The following ABL1 variants were observed in gnomAD, a reference collection of about 807,000 sequenced individuals.
ABL1 encodes tyrosine-protein kinase ABL1.
In ABL1, 11 loss-of-function variants were observed where a neutral mutation model predicts 94.7. The ratio of observed to expected loss-of-function variants is 0.12; its 90% CI spans 0.07 to 0.19. The LOEUF (loss-of-function observed/expected upper bound fraction) is 0.19. Ranked by LOEUF, ABL1 falls within the 10% of genes least tolerant of loss-of-function variation. The probability of loss-of-function intolerance (pLI) is 1.00; values close to 1 mark genes in which losing one functional copy is unlikely to be tolerated. For missense variants in ABL1, 1,082 were observed against 1,489.4 expected, an observed-to-expected ratio of 0.73 and a Z score of 4.50; for synonymous variants, 656 against 622.4, an observed-to-expected ratio of 1.05 and a Z score of -0.80.
intron 1 of ABL1, among the ~76,000 whole-genome samples, chr9:130,825,102 G>C (rs1413489651): frequency 6.6e-6 from 1 of 152,132 alleles, no homozygotes. Flanking sequence ...GCTGTCATGG[G>C]GTACAGCTCT....
At chr9:130,860,646 T>A (rs1346531199) in intron 3 of ABL1, among the ~76,000 whole-genome samples, 2 of 152,198 alleles carry the variant, frequency 1.3e-5, no homozygotes, top group Non-Finnish European at 2.9e-5. Flanking sequence ...ACACGGGCTC[T>A]TTGACTCTGT....
At position 130,884,340 on chromosome 9, in the gene ABL1, C is replaced by G; in HGVS notation, c.2050C>G (p.Pro684Ala). 6.2e-7 allele frequency: 1 copy of G among 1,612,196 alleles called. No homozygotes were observed. The change falls in exon 11 of 11, where the codon CCC (proline) becomes GCC (alanine). Residue 684 changes from proline (P) to alanine (A), a missense_variant. This residue lies in a region of ABL1 where 780 missense variants were observed against 835.8 expected (regional missense o/e 0.93). Coordinates refer to ENST00000318560, the MANE Select transcript of ABL1 (RefSeq NM_005157.6). This position sits in a 1 kb window ranked among gnomAD's most constrained non-coding sequence, Gnocchi z 5.6. ...RESGGSGFRS[P>A]HLWKKSSTLT... is the part of the protein sequence containing the mutation. ...GTCCGGGGGCTCAGGCTTCCGGTCT[C>G]CCCACCTGTGGAAGAAGTCCAGCAC...
At chr9:130,879,593 T>G (rs1437792752) in intron 8 of ABL1, among the ~76,000 whole-genome samples, 2 of 152,252 alleles carry the variant, frequency 1.3e-5, no homozygotes, top group South Asian at 4.1e-4. Flanking sequence ...TAAAAAAGGT[T>G]GTGCCATTGT....
intron 8 of ABL1, among the ~76,000 whole-genome samples, chr9:130,879,233 A>G (rs1588280377): frequency 6.6e-6 from 1 of 152,202 alleles, no homozygotes; most frequent in Non-Finnish European, 1.5e-5. Context: ...TATCTGTACT[A>G]TGCACACACA....
intron 1 of ABL1, among the ~76,000 whole-genome samples, chr9:130,737,251 T>A (rs1006354470): frequency 4.6e-5 from 7 of 151,924 alleles, no homozygotes; most frequent in South Asian, 2.1e-4. Context: ...TTTTAAAATT[T>A]AAAAAAAAAT....
At chr9:130,721,849 C>CCTTG (rs1181196036) in intron 1 of ABL1, among the ~76,000 whole-genome samples, 1 of 126,598 alleles carries the variant, frequency 7.9e-6, no homozygotes, top group Non-Finnish European at 1.6e-5. Flanking sequence ...TGAGACAGAG[C>CCTTG]CTTGCTCTGT....
At chr9:130,748,256 G>A (rs1681589026) in intron 1 of ABL1, among the ~76,000 whole-genome samples, 1 of 152,150 alleles carries the variant, frequency 6.6e-6, no homozygotes, top group African/African-American at 2.4e-5. Flanking sequence ...GAAGAACATT[G>A]CTGTCTTAAG....
intron 4 of ABL1, among the ~76,000 whole-genome samples, chr9:130,866,057 A>T (rs1360516019): frequency 6.6e-6 from 1 of 152,174 alleles, no homozygotes; most frequent in Admixed American, 6.5e-5. Flanking sequence ...ATCTGGTAAT[A>T]TAGTGTGGAT....
chr9:130,835,253 T>A (rs1354763763), upstream of ABL1: 1 of 152,002 alleles, frequency 6.6e-6, no homozygotes, highest in Non-Finnish European at 1.4e-5. This position sits in a 1 kb window ranked among gnomAD's most constrained non-coding sequence, Gnocchi z 4.6. Context: ...CCGGGCCCTT[T>A]GTTAACAGGC....
intron 1 of ABL1, among the ~76,000 whole-genome samples, chr9:130,778,858 G>A (rs1829713247): frequency 6.6e-6 from 1 of 151,856 alleles, no homozygotes; most frequent in South Asian, 2.1e-4. Context: ...TGATATTATG[G>A]ATTCCTACGG....
chr9:130,822,423 C>T (rs1239549906), intron 1 of ABL1, among the ~76,000 whole-genome samples: 1 of 150,916 alleles, frequency 6.6e-6, no homozygotes, highest in East Asian at 1.9e-4. Context: ...TGTCTGCCTA[C>T]CTATCCCCGC....
chr9:130,794,495 G>A (rs1465232029), intron 1 of ABL1, among the ~76,000 whole-genome samples: 3 of 152,186 alleles, frequency 2.0e-5, no homozygotes, highest in South Asian at 2.1e-4. Flanking sequence ...CTGGCCATTC[G>A]ATCATTTGAA....
Position 130,872,340 on chromosome 9 carries a change from G to A in ABL1, c.907+127G>A, listed in dbSNP as rs1203911716. ...GTTGGAATATTTGTGCTCTGCCGAC[G>A]TTCAGCCGCGGGTAAAATGAGGCCT... On this transcript the variant is annotated intron_variant, in intron 5 of 10. Coordinates refer to ENST00000318560, the MANE Select transcript of ABL1 (RefSeq NM_005157.6). This position sits in a 1 kb window ranked among gnomAD's most constrained non-coding sequence, Gnocchi z 5.0. The A allele has an allele frequency of 4.9e-6, 4 of 816,922 alleles. No homozygotes were observed. Among genetic ancestry groups the A allele is most frequent in the African/African-American group, 1.7e-5 (1 of 58,106 alleles). The allele number at this position is 816,922 out of a possible 1,614,324, so 50.6% of individuals were successfully genotyped here.
At chr9:130,744,553 G>A (rs1292076935) in intron 1 of ABL1, among the ~76,000 whole-genome samples, 1 of 150,940 alleles carries the variant, frequency 6.6e-6, no homozygotes, top group Non-Finnish European at 1.5e-5. Flanking sequence ...CACATAGAAG[G>A]ATAAAACTGT....
At chr9:130,798,448 T>C (rs1040353212) in intron 1 of ABL1, among the ~76,000 whole-genome samples, 1 of 152,200 alleles carries the variant, frequency 6.6e-6, no homozygotes, top group African/African-American at 2.4e-5. Context: ...ATGAAGTTAA[T>C]CTAACTACTG....
At chr9:130,720,173 C>G (rs1831497771) in intron 1 of ABL1, among the ~76,000 whole-genome samples, 1 of 152,146 alleles carries the variant, frequency 6.6e-6, no homozygotes, top group Non-Finnish European at 1.5e-5. Context: ...AATCCCTGCC[C>G]TCCTAGAACT....
chr9:130,714,297 A>T, exon 1 of ABL1: 1 of 1,561,252 alleles, frequency 6.4e-7, no homozygotes, highest in Non-Finnish European at 8.7e-7. Context: ...CCTCTTCTGG[A>T]AAGGGGTACC....
intron 1 of ABL1, among the ~76,000 whole-genome samples, chr9:130,780,604 TCC>T (rs1490388727): frequency 1.3e-5 from 2 of 152,086 alleles, no homozygotes; most frequent in African/African-American, 4.8e-5. Flanking sequence ...TTCCCTCATC[TCC>T]CTCTCTCCTC....
At chr9:130,811,476 TAGC>T (rs911982213) in intron 1 of ABL1, among the ~76,000 whole-genome samples, 49 of 152,256 alleles carry the variant, frequency 3.2e-4, no homozygotes, top group African/African-American at 1.2e-3. Context: ...TTTATGACAA[TAGC>T]AGCACAAAGA....
Sources: gnomAD v4.1 joint callset for allele counts (sites outside exome capture counted in the v4.1 genomes callset) on GRCh38, gnomAD v4.1.1 for gene constraint, gnomAD v4.1.1 regional missense constraint, Gnocchi (gnomAD v3.1) non-coding constraint, MANE v1.5 for transcripts, NCBI Gene and HGNC (gene_info 2026-07-23, HGNC 2026-07-21) for gene names.